Variants in ATRN observed in about 807,000 individuals in gnomAD.
The protein encoded by ATRN is attractin-2.
In ATRN, 54 loss-of-function variants were observed where a neutral mutation model predicts 178.7. That is an observed-to-expected ratio of 0.30 (90% CI 0.24 to 0.38). The LOEUF (loss-of-function observed/expected upper bound fraction) is 0.38. ATRN is among the 10% of genes least tolerant of loss of function. The pLI is 1.00. For synonymous variants in ATRN, 636 were observed against 663.0 expected (o/e 0.96, Z 0.63); for missense variants, 1,443 against 1,815.1 (o/e 0.79, Z 3.73).
chr20:3,482,013 C>T (rs1429390030), intron 1 of ATRN, among the ~76,000 whole-genome samples: 1 of 151,524 alleles, frequency 6.6e-6, no homozygotes, highest in East Asian at 1.9e-4. Flanking sequence ...TTTTTAAATT[C>T]ACAGATCCTT....
At chr20:3,489,787 G>A (rs1038633225) in intron 1 of ATRN, 16 of 1,309,344 alleles carry the variant, frequency 1.2e-5, no homozygotes, top group Admixed American at 3.4e-5. Flanking sequence ...TTGCGCCCTT[G>A]GTAGGTGTAG....
At position 3,549,240 on chromosome 20, in the gene ATRN, G is replaced by A; in HGVS notation, c.1014G>A (p.Lys338=). The A allele has an allele frequency of 5.0e-6, 8 of 1,610,614 alleles. No individual in the cohort carries two copies. The highest frequency in any genetic ancestry group is 6.8e-6 in the Non-Finnish European group (8 of 1,178,660). ...CTCGAGAGGAATATTCTAACTTAAA[G>A]CTCCCCAGAGCATCTCATAAAGCTG... ...FWTREEYSNL[K]LPRASHKAVV... The change falls in exon 6 of 29, where the codon AAG becomes AAA. Residue 338 remains lysine (K), a synonymous_variant. Transcript: ENST00000262919.
intron 26 of ATRN, 46 bp downstream of exon 26, chr20:3,634,435 T>G (rs1408680678): frequency 1.9e-6 from 3 of 1,542,322 alleles, no homozygotes; most frequent in Non-Finnish European, 1.8e-6. Flanking sequence ...GAAGAGCTTT[T>G]TTTCCTTCTT....
chr20:3,567,369 A>AT lies in ATRN; in HGVS notation c.1871+1943dup, dbSNP rs1202691041. On this transcript the variant is annotated intron_variant, in intron 11 of 28. Coordinates refer to ENST00000262919, the MANE Select transcript of ATRN (RefSeq NM_139321.3). The stretch of plus-strand genomic sequence containing the variant: ...ACAGTCATAACTAGCAAACAAATGA[A>AT]TTTTTTATAAAACATTCTTAGGTTT... 2.6e-5 allele frequency among the ~76,000 whole-genome samples: 4 copies of AT among 152,360 alleles called. No individual in the cohort carries two copies. In the East Asian group the frequency reaches 7.7e-4, roughly 29 times the overall value.
At chr20:3,583,806 C>CAAAA in intron 16 of ATRN, 92 bp from the exon 17 acceptor site, 1 of 1,053,542 alleles carries the variant, frequency 9.5e-7, no homozygotes, top group Non-Finnish European at 1.3e-6. Flanking sequence ...GACTCCGTCT[C>CAAAA]AAAAAAAAAA....
At chr20:3,529,365 G>C (rs1388873677) in intron 1 of ATRN, among the ~76,000 whole-genome samples, 2 of 152,162 alleles carry the variant, frequency 1.3e-5, no homozygotes, top group Non-Finnish European at 2.9e-5. Context: ...CAAGAGAAAT[G>C]TAGATACCTG....
At chr20:3,587,932 G>A (rs1389615989) in intron 18 of ATRN, among the ~76,000 whole-genome samples, 2 of 152,104 alleles carry the variant, frequency 1.3e-5, no homozygotes, top group African/African-American at 2.4e-5. Flanking sequence ...TGCAGCCTCC[G>A]CTTTCCCAGG....
chr20:3,601,923 A>G (rs1054492056), intron 23 of ATRN, among the ~76,000 whole-genome samples: 3 of 152,206 alleles, frequency 2.0e-5, no homozygotes, highest in South Asian at 2.1e-4. Context: ...TGATAACTCA[A>G]CAAGTAGATA....
intron 2 of ATRN, among the ~76,000 whole-genome samples, chr20:3,538,213 T>G (rs141300437): frequency 3.4e-4 from 51 of 151,594 alleles, no homozygotes; most frequent in African/African-American, 1.2e-3. Context: ...AATCAAGATA[T>G]CCTTAAATGA....
intron 12 of ATRN, among the ~76,000 whole-genome samples, chr20:3,573,702 G>A (rs2086161529): frequency 6.6e-6 from 1 of 152,088 alleles, no homozygotes; most frequent in South Asian, 2.1e-4. Context: ...GTGACATAGA[G>A]CACAATGCGG....
In ATRN at chr20:3,471,159, G is replaced by T; in HGVS notation, c.52G>T (p.Ala18Ser). The T allele has an allele frequency of 6.6e-7, 1 of 1,506,174 alleles. No homozygotes were observed. Among genetic ancestry groups the T allele is most frequent in the Non-Finnish European group, 8.8e-7 (1 of 1,134,296 alleles). 93.3% of individuals were successfully genotyped at this position (1,506,174 alleles called of 1,614,324 possible). The change falls in exon 1 of 29, where the codon GCG (alanine) becomes TCG (serine). Residue 18 changes from alanine to serine, a missense_variant. Ala to Ser is a moderately conservative substitution (Grantham distance 99). Transcript: ENST00000262919. Reference protein sequence around the residue: ...TEARLRRRTAATAALAGRSGG... With the variant: ...TEARLRRRTASTAALAGRSGG... ...GGCAAGGCTGAGGAGGAGGACGGCG[G>T]CGACGGCAGCGCTCGCGGGCAGGAG...
Position 3,610,437 on chromosome 20 carries a change from G to GT in ATRN, c.3801+6182dup, listed in dbSNP as rs548978145. Among the ~76,000 whole-genome samples the GT allele has an allele frequency of 3.2e-4, 48 of 152,022 alleles. No individual in the cohort carries two copies. In the South Asian group the frequency reaches 3.3e-3, roughly 11 times the overall value. On this transcript the variant is annotated intron_variant, in intron 24 of 28. Coordinates refer to ENST00000262919, the MANE Select transcript of ATRN (RefSeq NM_139321.3). Reference sequence around the variant, plus strand: ...ATTAGGATTTGATTTTGTTTGTGGTGTTTTTTTGAGACAGGGTCTCACTAT... The same window carrying GT: ...ATTAGGATTTGATTTTGTTTGTGGTGTTTTTTTTGAGACAGGGTCTCACTAT...
intron 1 of ATRN, among the ~76,000 whole-genome samples, chr20:3,484,909 AATTATT>A (rs11470490): frequency 0.07 from 10,120 of 143,888 alleles, 821 homozygotes; most frequent in African/African-American, 0.2. Flanking sequence ...TGGATTTTAA[AATTATT>A]ATTATTATTA....
At position 3,582,263 on chromosome 20, in the gene ATRN, A is replaced by G. The variant is rs2086292215; in HGVS notation, c.2673A>G (p.Gly891=). The change falls in exon 16 of 29, where the codon GGA becomes GGG. Residue 891 remains glycine (G), a synonymous_variant. Coordinates refer to ENST00000262919, the MANE Select transcript of ATRN (RefSeq NM_139321.3). The part of the protein sequence containing the change: ...QWMPSEPSDA[G]FCGILSEPST... ...TGCCGTCTGAGCCCAGTGATGCTGGATTCTGTGGAATTTTATCAGAACCCA... is the reference window on the plus strand; with the variant it reads ...TGCCGTCTGAGCCCAGTGATGCTGGGTTCTGTGGAATTTTATCAGAACCCA... 6.2e-7 allele frequency: 1 copy of G among 1,613,388 alleles called. No homozygotes were observed. The highest frequency in any genetic ancestry group is 8.5e-7 in the Non-Finnish European group (1 of 1,180,032).
intron 1 of ATRN, among the ~76,000 whole-genome samples, chr20:3,526,589 A>T (rs1201013192): frequency 1.3e-5 from 2 of 152,206 alleles, no homozygotes; most frequent in African/African-American, 4.8e-5. Flanking sequence ...AAACTACTTT[A>T]AATTTCATAT....
At position 3,634,907 on chromosome 20, in the gene ATRN, A is replaced by C. The variant is rs188095535; in HGVS notation, c.3942+518A>C. 1.4e-3 allele frequency among the ~76,000 whole-genome samples: 212 copies of C among 152,360 alleles called. 1 individual carries two copies. Among genetic ancestry groups the C allele is most frequent in the African/African-American group, 5.0e-3 (206 of 41,574 alleles). ...TTTCCAGAGCTTCATTCCAAAAGTA[A>C]TAAGCAAATATTTACAGCTGACAAA... On this transcript the variant is annotated intron_variant, in intron 26 of 28. Transcript: ENST00000262919.
rs1600087448 is a variant in ATRN, at chr20:3,538,639, C to T, written c.495-1583C>T. ...TCTCATTCCCCCTTTTCCTTATTCCCTACATTTAGCCTGTCAGTAAGTTCT... is the reference window on the plus strand; with the variant it reads ...TCTCATTCCCCCTTTTCCTTATTCCTTACATTTAGCCTGTCAGTAAGTTCT... On this transcript the variant is annotated intron_variant, in intron 2 of 28. Transcript: ENST00000262919. 3.9e-5 allele frequency among the ~76,000 whole-genome samples: 6 copies of T among 152,112 alleles called. No homozygotes were observed. In the East Asian group the frequency reaches 1.2e-3, roughly 29 times the overall value.
chr20:3,639,576 A>AT (rs1373741389), intron 27 of ATRN, among the ~76,000 whole-genome samples: 4 of 151,980 alleles, frequency 2.6e-5, no homozygotes, highest in Non-Finnish European at 5.9e-5. Flanking sequence ...ATTTTGGGGA[A>AT]TTTTTTAAGC....
rs1229459113 is a variant in ATRN at position 3,578,775 on chromosome 20, G to A, written c.2544+3G>A. 2 of 1,607,220 alleles carry A rather than the reference G, an allele frequency of 1.2e-6. No individual in the cohort carries two copies. The highest frequency in any genetic ancestry group is 1.7e-6 in the Non-Finnish European group (2 of 1,177,296). On this transcript the variant is annotated splice_donor_region_variant and intron_variant, in intron 15 of 28. Transcript: ENST00000262919. ...TAATGCAGTCATCTCAGAGCATGGT[G>A]AGTTAAAATCCTCAAAACTTAAGTT... is the stretch of plus-strand genomic sequence containing the variant.
Sources: gnomAD v4.1 joint callset for allele counts (sites outside exome capture counted in the v4.1 genomes callset) on GRCh38, gnomAD v4.1.1 for gene constraint, MANE v1.5 for transcripts, NCBI Gene and HGNC (gene_info 2026-07-23, HGNC 2026-07-21) for gene names.